NR5A2: variants seen among roughly 807,000 people sequenced by gnomAD.
The protein encoded by NR5A2 is CYP7A promoter-binding factor.
A neutral mutation model predicts 62.7 loss-of-function variants in NR5A2; 26 were observed. That is an observed-to-expected ratio of 0.41 (90% confidence interval 0.30 to 0.58). The LOEUF (loss-of-function observed/expected upper bound fraction) is 0.58. NR5A2 is among the 20% of genes least tolerant of loss of function. The pLI is 0.22. For missense variants in NR5A2, 541 were observed against 669.1 expected, an observed-to-expected ratio of 0.81 and a Z score of 2.11; for synonymous variants, 246 against 241.7, an observed-to-expected ratio of 1.02 and a Z score of -0.16.
intron 7 of NR5A2, among the ~76,000 whole-genome samples, chr1:200,131,612 A>G (rs982011677): frequency 6.6e-6 from 1 of 152,164 alleles, no homozygotes; most frequent in African/African-American, 2.4e-5. Flanking sequence ...AGCTGTGTCA[A>G]CCACTCTGTT....
At chr1:200,071,411 T>G (rs184074626) in intron 5 of NR5A2, among the ~76,000 whole-genome samples, 1 of 152,208 alleles carries the variant, frequency 6.6e-6, no homozygotes, top group Non-Finnish European at 1.5e-5. Context: ...TAGCATCAAC[T>G]TTATCGAAAC....
chr1:200,091,484 C>CTTTTTTT (rs35491701), intron 5 of NR5A2, among the ~76,000 whole-genome samples: 1 of 126,516 alleles, frequency 7.9e-6, no homozygotes. Context: ...TGCTCTCTTT[C>CTTTTTTT]TTTTTTTTTT....
intron 5 of NR5A2, among the ~76,000 whole-genome samples, chr1:200,080,604 G>A (rs1287308586): frequency 6.6e-6 from 1 of 152,062 alleles, no homozygotes; most frequent in Non-Finnish European, 1.5e-5. Context: ...CATTACCCTT[G>A]TGTTTGGTGA....
chr1:200,161,704 T>A (rs1355131807), intron 7 of NR5A2, among the ~76,000 whole-genome samples: 1 of 152,214 alleles, frequency 6.6e-6, no homozygotes, highest in Non-Finnish European at 1.5e-5. Context: ...TATTTGAAAT[T>A]GGTTAGGAAT....
In NR5A2 at chr1:200,147,853, A is replaced by T. The variant is rs1388473720; in HGVS notation, c.1379-26110A>T. ...GCAGCCATTGGTGAGCAGTATGGCC[A>T]CCTGCTTGTAGGCGCAGTCCCCGGA... On this transcript the variant is annotated intron_variant, in intron 7 of 7. Transcript: ENST00000367362. The surrounding 1 kb of genome is among the most constrained non-coding windows in gnomAD (Gnocchi z 4.9). The T allele has an allele frequency of 1.1e-5, 5 of 447,906 alleles. No individual in the cohort carries two copies. Among genetic ancestry groups the T allele is most frequent in the Middle Eastern group, 3.7e-4 (1 of 2,674 alleles). 27.7% of individuals were successfully genotyped at this position (447,906 alleles called of 1,614,324 possible).
chr1:200,085,584 G>A (rs1664483532), intron 5 of NR5A2, among the ~76,000 whole-genome samples: 1 of 151,718 alleles, frequency 6.6e-6, no homozygotes, highest in South Asian at 2.1e-4. Flanking sequence ...TTTGTAGAGT[G>A]CAGTGTGCTA....
At chr1:200,072,449 C>A (rs1388758633) in intron 5 of NR5A2, among the ~76,000 whole-genome samples, 1 of 152,056 alleles carries the variant, frequency 6.6e-6, no homozygotes, top group East Asian at 1.9e-4. Flanking sequence ...ATGTGACACC[C>A]TTTTAATCAA....
rs1666454094 is a variant in NR5A2, at chr1:200,120,932, A to G, written c.1355A>G (p.Lys452Arg). The G allele has an allele frequency of 6.2e-7, 1 of 1,613,876 alleles. No homozygotes were observed. Among genetic ancestry groups the G allele is most frequent in the South Asian group, 1.1e-5 (1 of 91,042 alleles). Reference sequence around the variant, plus strand: ...GATCAACGAGAGTTCGTATGTCTGAAATTCTTGGTGCTCTTTAGTTTAGGT... The same window carrying G: ...GATCAACGAGAGTTCGTATGTCTGAGATTCTTGGTGCTCTTTAGTTTAGGT... Reference protein sequence around the residue: ...QFDQREFVCLKFLVLFSLDVK... With the variant: ...QFDQREFVCLRFLVLFSLDVK... Residue 452 changes from lysine (K) to arginine (R), a missense_variant, in exon 7 of 8, where the codon AAA (lysine) becomes AGA (arginine). Lys to Arg is a conservative substitution (Grantham distance 26). Around this residue, in one of 3 missense-constraint regions of NR5A2, gnomAD observed 379 missense variants for 442.0 expected, o/e 0.86. Coordinates refer to ENST00000367362, the MANE Select transcript of NR5A2 (RefSeq NM_205860.3).
At position 200,147,446 on chromosome 1, in the gene NR5A2, C is replaced by A; in HGVS notation, c.1378+26491C>A. 1.8e-6 allele frequency: 1 copy of A among 540,632 alleles called. No homozygotes were observed. The highest frequency in any genetic ancestry group is 3.6e-6 in the Non-Finnish European group (1 of 280,034). The allele number at this position is 540,632 out of a possible 1,614,324, so 33.5% of individuals were successfully genotyped here. On this transcript the variant is annotated intron_variant, in intron 7 of 7. Coordinates refer to ENST00000367362, the MANE Select transcript of NR5A2 (RefSeq NM_205860.3). The surrounding 1 kb of genome is among the most constrained non-coding windows in gnomAD (Gnocchi z 4.9). Reference sequence around the variant, plus strand: ...AGCTTATCTGTTTATGGGGCTGCCTCCTCCAGTACACGGAGAGCTCTTTGA... The same window carrying A: ...AGCTTATCTGTTTATGGGGCTGCCTACTCCAGTACACGGAGAGCTCTTTGA...
chr1:200,123,157 C>G (rs1188780831), intron 7 of NR5A2, among the ~76,000 whole-genome samples: 1 of 152,132 alleles, frequency 6.6e-6, no homozygotes, highest in African/African-American at 2.4e-5. Context: ...TGTCTCAGCC[C>G]AGCCTTGAGA....
At chr1:200,162,222 G>T (rs568799797) in intron 7 of NR5A2, among the ~76,000 whole-genome samples, 1 of 152,344 alleles carries the variant, frequency 6.6e-6, no homozygotes, top group East Asian at 1.9e-4. Flanking sequence ...AAATTACCAT[G>T]TAATACCCAA....
intron 7 of NR5A2, 58 bp downstream of exon 7, chr1:200,121,013 T>C (rs536990648): frequency 1.0e-5 from 16 of 1,578,696 alleles, no homozygotes; most frequent in Non-Finnish European, 1.4e-5. Context: ...GATGTTGAAG[T>C]TCAAATATCT....
intron 7 of NR5A2, among the ~76,000 whole-genome samples, chr1:200,170,369 A>G (rs1198557061): frequency 6.6e-6 from 1 of 152,214 alleles, no homozygotes; most frequent in East Asian, 1.9e-4. Flanking sequence ...TATGGGATTC[A>G]TGTTTTAATT....
chr1:200,085,363 G>C (rs1035753295), intron 5 of NR5A2, among the ~76,000 whole-genome samples: 1 of 152,168 alleles, frequency 6.6e-6, no homozygotes, highest in Admixed American at 6.5e-5. Context: ...ACAAATACTT[G>C]GGCTTGGCAC....
At chr1:200,116,079 A>G (rs1666202987) in intron 6 of NR5A2, among the ~76,000 whole-genome samples, 1 of 152,192 alleles carries the variant, frequency 6.6e-6, no homozygotes, top group South Asian at 2.1e-4. Flanking sequence ...GAAAATGTTT[A>G]TACTGAGTAT....
Position 200,045,599 on chromosome 1 carries a change from A to G in NR5A2, c.463+15A>G, listed in dbSNP as rs1662322638. On this transcript the variant is annotated intron_variant, in intron 4 of 7. Transcript: ENST00000367362. ...GAAGCTAGAAGGTAAGATTCTTCTA[A>G]AGACTACTGCCTATTAAAACTCTCC... 3.7e-6 allele frequency: 6 copies of G among 1,603,722 alleles called. No individual in the cohort carries two copies. The East Asian group carries it at 1.3e-4, about 36-fold the overall frequency.
At chr1:200,116,692 C>T (rs1666237078) in intron 6 of NR5A2, among the ~76,000 whole-genome samples, 1 of 152,122 alleles carries the variant, frequency 6.6e-6, no homozygotes, top group African/African-American at 2.4e-5. Context: ...TATTAAATAG[C>T]CTTGTTAAGC....
chr1:200,096,633 A>G (rs1392022021), intron 5 of NR5A2, among the ~76,000 whole-genome samples: 1 of 152,180 alleles, frequency 6.6e-6, no homozygotes, highest in Non-Finnish European at 1.5e-5. Flanking sequence ...CAGCCAACCA[A>G]CTCAGTCACT....
chr1:200,160,699 T>C (rs569910877), intron 7 of NR5A2, among the ~76,000 whole-genome samples: 21 of 151,838 alleles, frequency 1.4e-4, no homozygotes, highest in African/African-American at 5.1e-4. Flanking sequence ...CTCATTCGAT[T>C]AGCTGGAAAG....
Sources: gnomAD v4.1 joint callset for allele counts (sites outside exome capture counted in the v4.1 genomes callset) on GRCh38, gnomAD v4.1.1 for gene constraint, gnomAD v4.1.1 regional missense constraint, Gnocchi (gnomAD v3.1) non-coding constraint, MANE v1.5 for transcripts, NCBI Gene and HGNC (gene_info 2026-07-23, HGNC 2026-07-21) for gene names.